The following HTR3D variants were observed in gnomAD, a reference collection of about 807,000 sequenced individuals.
HTR3D encodes the protein 5-hydroxytryptamine receptor 3D.
In HTR3D, 47 loss-of-function variants were observed where a neutral mutation model predicts 45.8. The ratio of observed to expected loss-of-function variants is 1.03; its 90% CI spans 0.81 to 1.31. The LOEUF (loss-of-function observed/expected upper bound fraction) is 1.31, where lower values mean the gene tolerates loss of function less well. Ranked by LOEUF, HTR3D falls within the 50% of genes most tolerant of loss-of-function variation. HTR3D has a pLI of 0.00. For missense variants in HTR3D, 448 were observed against 506.9 expected (o/e 0.88, Z 1.12); for synonymous variants, 203 against 199.8 (o/e 1.02, Z -0.13).
chr3:184,038,810 G>C lies in HTR3D; in HGVS notation c.1050G>C (p.Gly350=). ...MPGPGEAELT[G]GSEWTRAQRE... is the part of the protein sequence containing the mutation. Reference sequence around the variant, plus strand: ...GCCCTGGGGAGGCAGAGCTGACAGGGGGCTCAGAATGGACAAGGGCCCAGC... The same window carrying C: ...GCCCTGGGGAGGCAGAGCTGACAGGCGGCTCAGAATGGACAAGGGCCCAGC... Residue 350 remains glycine (G), a synonymous_variant, in exon 8 of 8, where the codon GGG becomes GGC. Coordinates refer to ENST00000428798, the MANE Select transcript of HTR3D (RefSeq NM_001145143.1). The surrounding 1 kb of genome is among the most constrained non-coding windows in gnomAD (Gnocchi z 4.5). The C allele has an allele frequency of 6.2e-7, 1 of 1,613,928 alleles. No homozygotes were observed.
rs1722916271 is a variant in HTR3D at position 184,036,895 on chromosome 3, A to G, written c.515A>G (p.His172Arg). 1.3e-6 allele frequency: 2 copies of G among 1,551,344 alleles called. No homozygotes were observed. The highest frequency in any genetic ancestry group is 1.7e-6 in the Non-Finnish European group (2 of 1,146,762). The change falls in exon 5 of 8, where the codon CAT becomes CGT. Residue 172 changes from histidine (H) to arginine (R), a missense_variant and splice_region_variant. Transcript: ENST00000428798. ...ATNQYEQAIF[H>R]VAIRRRCRPS... ...AACCAGTATGAACAAGCCATCTTCC[A>G]TGTGAGCTCAGGGGCCAAGACAAGG...
At chr3:184,037,088 G>A (rs568057165) in intron 5 of HTR3D, among the ~76,000 whole-genome samples, 192 bp downstream of exon 5, 48 of 150,496 alleles carry the variant, frequency 3.2e-4, no homozygotes, top group African/African-American at 1.1e-3. Context: ...CGCTCAGGCT[G>A]GAGTGCAATG....
chr3:184,032,836 G>GA lies in HTR3D; in HGVS notation c.66+1032dup, dbSNP rs1722786408. 2.6e-6 allele frequency: 4 copies of GA among 1,551,330 alleles called. No homozygotes were observed. In the East Asian group the frequency reaches 9.8e-5, roughly 38 times the overall value. On this transcript the variant is annotated intron_variant, in intron 1 of 7. Coordinates refer to ENST00000428798, the MANE Select transcript of HTR3D (RefSeq NM_001145143.1). ...GTGCCCCCTGTTTTCTCTCCATGCA[G>GA]AAACACTCTCCAGGCCCCCCAGCCC...
chr3:184,036,001 A>G lies in HTR3D; in HGVS notation c.112-14A>G, dbSNP rs762456002. 6 of 1,550,902 alleles carry G rather than the reference A, an allele frequency of 3.9e-6. No homozygotes were observed. The highest frequency in any genetic ancestry group is 2.0e-5 in the Admixed American group (1 of 50,772). ...AGCCACCATGCCCGGCCTTGGCACAATCAATTTGTGCAGTGGAACCCAGAT... is the reference window on the plus strand; with the variant it reads ...AGCCACCATGCCCGGCCTTGGCACAGTCAATTTGTGCAGTGGAACCCAGAT... On this transcript the variant is annotated splice_polypyrimidine_tract_variant and intron_variant, in intron 2 of 7. Transcript: ENST00000428798.
At chr3:184,036,163 C>T (rs767635735) in intron 3 of HTR3D, 63 bp downstream of exon 3, 69 of 1,511,794 alleles carry the variant, frequency 4.6e-5, no homozygotes, top group Admixed American at 1.1e-4. Context: ...ACAATGTTAC[C>T]GATAAGGCCA....
At position 184,036,452 on chromosome 3, in the gene HTR3D, G is replaced by C; in HGVS notation, c.275G>C (p.Gly92Ala). The C allele has an allele frequency of 6.2e-7, 1 of 1,614,178 alleles. No homozygotes were observed. Among genetic ancestry groups the C allele is most frequent in the Non-Finnish European group, 8.5e-7 (1 of 1,180,030 alleles). The change falls in exon 4 of 8, where the codon GGG becomes GCG. Residue 92 changes from glycine (G) to alanine (A), a missense_variant. Gly to Ala is a moderately conservative substitution (Grantham distance 60, BLOSUM62 0). Transcript: ENST00000428798. The part of the protein sequence containing the change: ...KATSNTISQC[G>A]WSASANWTPS... ...ACATCAAACACAATAAGCCAATGTG[G>C]GTGGTCAGCATCTGCAAACTGGACA... is the stretch of plus-strand genomic sequence containing the variant.
At chr3:184,036,122 C>A in intron 3 of HTR3D, 22 bp downstream of exon 3, 1 of 1,544,616 alleles carries the variant, frequency 6.5e-7, no homozygotes. Flanking sequence ...GCCAAAAAAG[C>A]AGAATGGAAA....
In HTR3D at chr3:184,036,003, C is replaced by A. The variant is rs558863249; in HGVS notation, c.112-12C>A. 61 of 1,550,954 alleles carry A rather than the reference C, an allele frequency of 3.9e-5. No individual in the cohort carries two copies. The East Asian group carries it at 9.3e-4, about 24-fold the overall frequency. ...CCACCATGCCCGGCCTTGGCACAATCAATTTGTGCAGTGGAACCCAGATGA... is the reference window on the plus strand; with the variant it reads ...CCACCATGCCCGGCCTTGGCACAATAAATTTGTGCAGTGGAACCCAGATGA... On this transcript the variant is annotated splice_polypyrimidine_tract_variant and intron_variant, in intron 2 of 7. Transcript: ENST00000428798.
At position 184,039,091 on chromosome 3, in the gene HTR3D, T is replaced by C; in HGVS notation, c.*116T>C. On this transcript the variant is annotated 3_prime_UTR_variant, in exon 8 of 8. Coordinates refer to ENST00000428798, the MANE Select transcript of HTR3D (RefSeq NM_001145143.1). Reference sequence around the variant, plus strand: ...GTCAACCGCCTCATTTTTAACCCAGTCCTCTGTGTAGTTTCAGACCAGACC... The same window carrying C: ...GTCAACCGCCTCATTTTTAACCCAGCCCTCTGTGTAGTTTCAGACCAGACC... 5 of 1,122,632 alleles carry C rather than the reference T, an allele frequency of 4.5e-6. No homozygotes were observed. Among genetic ancestry groups the C allele is most frequent in the Admixed American group, 2.1e-5 (1 of 47,150 alleles). 69.5% of individuals were successfully genotyped at this position (1,122,632 alleles called of 1,614,324 possible). A position where few individuals can be genotyped will look rare whatever the true frequency, so the allele number is the denominator to read the frequency against.
At chr3:184,032,643 G>A (rs753315487) in intron 1 of HTR3D, among the ~76,000 whole-genome samples, 7 of 152,152 alleles carry the variant, frequency 4.6e-5, no homozygotes, top group Non-Finnish European at 1.0e-4. Flanking sequence ...TAAAGTGGCG[G>A]TCGGGGTTGA....
intron 1 of HTR3D, among the ~76,000 whole-genome samples, chr3:184,032,047 T>G (rs1308341749): frequency 6.8e-6 from 1 of 147,080 alleles, no homozygotes; most frequent in Non-Finnish European, 1.5e-5. Flanking sequence ...CAGGCTAGAG[T>G]GCAGTGGCAA....
In HTR3D at chr3:184,036,046, A is replaced by T. The variant is rs1232636132; in HGVS notation, c.143A>T (p.Lys48Met). Residue 48 changes from lysine (K) to methionine (M), a missense_variant, in exon 3 of 8, where the codon AAG becomes ATG. Transcript: ENST00000428798. ...WNPDECGGIK[K>M]SGMATENLWL... The stretch of plus-strand genomic sequence containing the variant: ...CCAGATGAATGCGGAGGCATCAAGA[A>T]GTCCGGCATGGCAACTGAGAACCTA... The T allele has an allele frequency of 1.3e-6, 2 of 1,551,562 alleles. No individual in the cohort carries two copies. The highest frequency in any genetic ancestry group is 1.7e-6 in the Non-Finnish European group (2 of 1,146,990).
chr3:184,039,077 C>T lies in HTR3D; in HGVS notation c.*102C>T. ...AGCCTTGTGGCCCTGTCAACCGCCT[C>T]ATTTTTAACCCAGTCCTCTGTGTAG... On this transcript the variant is annotated 3_prime_UTR_variant, in exon 8 of 8. Coordinates refer to ENST00000428798, the MANE Select transcript of HTR3D (RefSeq NM_001145143.1). 5.8e-6 allele frequency: 7 copies of T among 1,215,102 alleles called. No homozygotes were observed. Among genetic ancestry groups the T allele is most frequent in the Non-Finnish European group, 7.1e-6 (6 of 842,720 alleles). The allele number at this position is 1,215,102 out of a possible 1,614,324, so 75.3% of individuals were successfully genotyped here. A position where few individuals can be genotyped will look rare whatever the true frequency, so the allele number is the denominator to read the frequency against.
intron 1 of HTR3D, chr3:184,034,970 A>T: frequency 8.5e-7 from 1 of 1,179,510 alleles, no homozygotes; most frequent in Middle Eastern, 3.0e-4. Context: ...TACTTGTCAA[A>T]ACATATTCCC....
chr3:184,031,851 T>C, intron 1 of HTR3D, 44 bp downstream of exon 1: 1 of 1,372,844 alleles, frequency 7.3e-7, no homozygotes, highest in Non-Finnish European at 1.0e-6. Flanking sequence ...ATGTAACTCC[T>C]GGGAAGCAGA....
rs371295135 is a variant in HTR3D at position 184,038,402 on chromosome 3, C to T, written c.770-7C>T. 2 of 1,614,146 alleles carry T rather than the reference C, an allele frequency of 1.2e-6. No individual in the cohort carries two copies. Among genetic ancestry groups the T allele is most frequent in the East Asian group, 2.2e-5 (1 of 44,866 alleles). ...TCTGGCCCTCATGCAGACCCCCTTGCCTGCAGGTGTCTACTTCGCCCTGTG... is the reference window on the plus strand; with the variant it reads ...TCTGGCCCTCATGCAGACCCCCTTGTCTGCAGGTGTCTACTTCGCCCTGTG... On this transcript the variant is annotated splice_region_variant and splice_polypyrimidine_tract_variant and intron_variant, in intron 6 of 7. Transcript: ENST00000428798. The surrounding 1 kb of genome is among the most constrained non-coding windows in gnomAD (Gnocchi z 4.5).
chr3:184,038,507 C>T lies in HTR3D; in HGVS notation c.868C>T (p.Pro290Ser), dbSNP rs1221549295. 1 of 1,614,072 alleles carries T rather than the reference C, an allele frequency of 6.2e-7. No homozygotes were observed. The highest frequency in any genetic ancestry group is 1.3e-5 in the African/African-American group (1 of 75,030). The stretch of plus-strand genomic sequence containing the variant: ...GCACGTGGCCACCACCCAGCCCCTA[C>T]CTCTGCCTCGGTGGCTCCACTCCCT... ...LLHVATTQPLPLPRWLHSLLL... is the reference protein window; with the variant it reads ...LLHVATTQPLSLPRWLHSLLL... The change falls in exon 7 of 8, where the codon CCT becomes TCT. Residue 290 changes from proline (P) to serine (S), a missense_variant. Physicochemically the swap from Pro to Ser is moderately conservative, Grantham distance 74 (BLOSUM62 -1). Coordinates refer to ENST00000428798, the MANE Select transcript of HTR3D (RefSeq NM_001145143.1). The surrounding 1 kb of genome is among the most constrained non-coding windows in gnomAD (Gnocchi z 4.5).
rs865990013 is a variant in HTR3D, at chr3:184,034,293, T to C, written c.67-885T>C. ...TCAAATGGAACAAAATTCTAACACATGCCACAATGTGGATAAGCTGTGAGG... is the reference window on the plus strand; with the variant it reads ...TCAAATGGAACAAAATTCTAACACACGCCACAATGTGGATAAGCTGTGAGG... On this transcript the variant is annotated intron_variant, in intron 1 of 7. Coordinates refer to ENST00000428798, the MANE Select transcript of HTR3D (RefSeq NM_001145143.1). Among the ~76,000 whole-genome samples the C allele has an allele frequency of 4.6e-5, 7 of 152,290 alleles. No individual in the cohort carries two copies. In the South Asian group the frequency reaches 1.5e-3, roughly 32 times the overall value.
In HTR3D at chr3:184,036,779, TCAAATACATCACAGAACCTCATTCAGAA is replaced by T; in HGVS notation, c.403_430del (p.Ile135GlyfsTer14). The T allele has an allele frequency of 6.4e-7, 1 of 1,552,096 alleles. No individual in the cohort carries two copies. The highest frequency in any genetic ancestry group is 1.2e-5 in the South Asian group (1 of 84,056). On this transcript the variant is annotated frameshift_variant, in exon 5 of 8. Coordinates refer to ENST00000428798, the MANE Select transcript of HTR3D (RefSeq NM_001145143.1). LOFTEE classifies it high-confidence loss of function. The stretch of plus-strand genomic sequence containing the variant: ...CATGGAGAAGGATGTCCAGGAGCTT[TCAAATACATCACAGAACCTCATTCAGAA>T]CAAGGAGGGAGTGGGTACTGCTGGG...
Sources: gnomAD v4.1 joint callset for allele counts (sites outside exome capture counted in the v4.1 genomes callset) on GRCh38, gnomAD v4.1.1 for gene constraint, Gnocchi (gnomAD v3.1) non-coding constraint, MANE v1.5 for transcripts, NCBI Gene and HGNC (gene_info 2026-07-23, HGNC 2026-07-21) for gene names.